SUFU: variants seen among roughly 807,000 people sequenced by gnomAD.
The protein encoded by SUFU is suppressor of fused homolog.
SUFU carries 7 observed loss-of-function variants against 58.9 expected under a neutral mutation model. The observed-to-expected ratio is 0.12, with a 90% CI of 0.07 to 0.22. The LOEUF (loss-of-function observed/expected upper bound fraction) is 0.22. Among genes scored for constraint, SUFU ranks in the 10% least tolerant of loss-of-function variants. The probability of loss-of-function intolerance (pLI) is 1.00; values close to 1 mark genes in which losing one functional copy is unlikely to be tolerated. For missense variants in SUFU, 451 were observed against 641.3 expected, an observed-to-expected ratio of 0.70 and a Z score of 3.20; for synonymous variants, 232 against 254.8, an observed-to-expected ratio of 0.91 and a Z score of 0.85.
chr10:102,505,767 C>T (rs1286893734), intron 1 of SUFU, among the ~76,000 whole-genome samples: 9 of 152,250 alleles, frequency 5.9e-5, no homozygotes, highest in East Asian at 5.8e-4. Flanking sequence ...CTCTCACTGG[C>T]GAACTGTTCT....
intron 2 of SUFU, among the ~76,000 whole-genome samples, chr10:102,517,683 T>G (rs7912901): frequency 6.6e-6 from 1 of 151,972 alleles, no homozygotes; most frequent in Non-Finnish European, 1.5e-5. Flanking sequence ...CAGTGCAGCT[T>G]CATTTCTTGT....
At chr10:102,514,731 G>T (rs1242953446) in intron 2 of SUFU, among the ~76,000 whole-genome samples, 1 of 152,236 alleles carries the variant, frequency 6.6e-6, no homozygotes, top group Non-Finnish European at 1.5e-5. Flanking sequence ...GGAATGTGGG[G>T]ATCTATGCGG....
chr10:102,571,505 A>AAAAAC (rs2063160108), intron 3 of SUFU, among the ~76,000 whole-genome samples: 2 of 151,966 alleles, frequency 1.3e-5, no homozygotes, highest in African/African-American at 4.8e-5. Flanking sequence ...TCTCTACTAA[A>AAAAAC]AAACAAACAA....
rs1045988588 is a variant in SUFU at position 102,579,728 on chromosome 10, C to T, written c.455-12854C>T. On this transcript the variant is annotated intron_variant, in intron 3 of 11. Coordinates refer to ENST00000369902, the MANE Select transcript of SUFU (RefSeq NM_016169.4). ...CAAGTGGGACTGCGTATTCATTTCCCGTCTCCATGTCTTGCAACCACATTT... is the reference window on the plus strand; with the variant it reads ...CAAGTGGGACTGCGTATTCATTTCCTGTCTCCATGTCTTGCAACCACATTT... 9.7e-6 allele frequency: 6 copies of T among 615,776 alleles called. No individual in the cohort carries two copies. In the Admixed American group the frequency reaches 1.9e-4, roughly 19 times the overall value. 38.1% of individuals were successfully genotyped at this position (615,776 alleles called of 1,614,324 possible). A position where few individuals can be genotyped will look rare whatever the true frequency, so the allele number is the denominator to read the frequency against.
chr10:102,567,050 T>C (rs34755137), intron 3 of SUFU, among the ~76,000 whole-genome samples: 95,666 of 95,820 alleles, frequency 1, 47,758 homozygotes, highest in East Asian at 1. Context: ...CTCGCTGTGT[T>C]GCTCAGGCTG....
intron 2 of SUFU, among the ~76,000 whole-genome samples, chr10:102,517,732 A>C (rs928675325): frequency 6.6e-6 from 1 of 152,002 alleles, no homozygotes; most frequent in East Asian, 1.9e-4. Context: ...GTCTGGTGGG[A>C]TCTTATCCTC....
intron 3 of SUFU, among the ~76,000 whole-genome samples, chr10:102,555,910 G>A (rs10786679): frequency 0.25 from 37,748 of 152,122 alleles, 4,775 homozygotes; most frequent in Admixed American, 0.31. Context: ...ACCTGCCTAC[G>A]TACATAGTGT....
intron 3 of SUFU, among the ~76,000 whole-genome samples, chr10:102,584,084 C>T (rs979130161): frequency 1.8e-4 from 28 of 152,152 alleles, no homozygotes; most frequent in African/African-American, 6.3e-4. Context: ...TTCCAGTACA[C>T]GAGTAATAAC....
chr10:102,528,938 C>T (rs1361915902), intron 2 of SUFU, among the ~76,000 whole-genome samples: 8 of 149,104 alleles, frequency 5.4e-5, no homozygotes, highest in African/African-American at 1.5e-4. Flanking sequence ...GTGCAGTCTT[C>T]GCTGATGTGG....
chr10:102,528,785 C>G (rs1439177241), intron 2 of SUFU, among the ~76,000 whole-genome samples: 1 of 151,998 alleles, frequency 6.6e-6, no homozygotes, highest in African/African-American at 2.4e-5. Context: ...TCTCAGGAAC[C>G]ATCTACTTGA....
chr10:102,626,314 G>A (rs796530160), intron 10 of SUFU, among the ~76,000 whole-genome samples: 6 of 152,200 alleles, frequency 3.9e-5, no homozygotes, highest in African/African-American at 1.2e-4. Context: ...GAGGAAGGCC[G>A]GTTTTAGAGG....
At chr10:102,507,140 A>G (rs1389441646) in intron 1 of SUFU, among the ~76,000 whole-genome samples, 1 of 152,126 alleles carries the variant, frequency 6.6e-6, no homozygotes, top group Non-Finnish European at 1.5e-5. Flanking sequence ...GGACAGGGTT[A>G]ATTTTATCTG....
chr10:102,537,123 A>G (rs2062748909), intron 2 of SUFU, among the ~76,000 whole-genome samples: 2 of 138,308 alleles, frequency 1.4e-5, no homozygotes, highest in Non-Finnish European at 3.1e-5. Flanking sequence ...CATAATTTAA[A>G]TTTACCTTTT....
At chr10:102,533,290 G>T (rs923427155) in intron 2 of SUFU, among the ~76,000 whole-genome samples, 1 of 152,090 alleles carries the variant, frequency 6.6e-6, no homozygotes, top group Non-Finnish European at 1.5e-5. Context: ...CAAGGTGCCA[G>T]GCTGGGTGCG....
chr10:102,594,316 A>G (rs2063438146), intron 6 of SUFU, among the ~76,000 whole-genome samples: 1 of 152,212 alleles, frequency 6.6e-6, no homozygotes, highest in African/African-American at 2.4e-5. Context: ...TAAATTATAT[A>G]TTGGCTTAAA....
At chr10:102,511,025 G>A (rs1327513365) in intron 2 of SUFU, among the ~76,000 whole-genome samples, 5 of 151,400 alleles carry the variant, frequency 3.3e-5, no homozygotes, top group Admixed American at 2.0e-4. Flanking sequence ...GGAGGCTGAG[G>A]CAGGATAATT....
rs2063832275 is a variant in SUFU at position 102,630,918 on chromosome 10, G to C, written c.*763G>C. 4.2e-6 allele frequency: 1 copy of C among 235,358 alleles called. No individual in the cohort carries two copies. The highest frequency in any genetic ancestry group is 8.4e-6 in the Non-Finnish European group (1 of 119,614). 14.6% of individuals were successfully genotyped at this position (235,358 alleles called of 1,614,324 possible). A position where few individuals can be genotyped will look rare whatever the true frequency, so the allele number is the denominator to read the frequency against. Reference sequence around the variant, plus strand: ...CCTGGTGGAGCCCGGGGCAGGGGGAGAGTAGAGACACTCCCTTGTGCAGCT... The same window carrying C: ...CCTGGTGGAGCCCGGGGCAGGGGGACAGTAGAGACACTCCCTTGTGCAGCT... On this transcript the variant is annotated 3_prime_UTR_variant, in exon 12 of 12. Coordinates refer to ENST00000369902, the MANE Select transcript of SUFU (RefSeq NM_016169.4).
chr10:102,516,128 T>TTTC (rs2062466724), intron 2 of SUFU, among the ~76,000 whole-genome samples: 1 of 61,802 alleles, frequency 1.6e-5, no homozygotes, highest in African/African-American at 6.7e-5. Context: ...TTCTTTTCTT[T>TTTC]TTTTTTTTTT....
At position 102,625,654 on chromosome 10, in the gene SUFU, C is replaced by CA. The variant is rs1241365000; in HGVS notation, c.1297-1518dup. Among the ~76,000 whole-genome samples the CA allele has an allele frequency of 6.6e-6, 1 of 152,194 alleles. No homozygotes were observed. The highest frequency in any genetic ancestry group is 1.5e-5 in the Non-Finnish European group (1 of 68,028). On this transcript the variant is annotated intron_variant, in intron 10 of 11. Coordinates refer to ENST00000369902, the MANE Select transcript of SUFU (RefSeq NM_016169.4). This position sits in a 1 kb window ranked among gnomAD's most constrained non-coding sequence, Gnocchi z 4.7. ...CACTCACAAGCCGTGTGACACTGAG[C>CA]AAATTACATAACCTGCCTGTGCCTG... is the stretch of plus-strand genomic sequence containing the variant.
Sources: allele counts gnomAD v4.1 joint callset (sites outside exome capture counted in the v4.1 genomes callset), GRCh38; gene constraint gnomAD v4.1.1; non-coding constraint Gnocchi (gnomAD v3.1); transcripts MANE v1.5; gene names NCBI Gene and HGNC (gene_info 2026-07-23, HGNC 2026-07-21).